Variants in ZNF681 observed in about 807,000 individuals in gnomAD.
The protein encoded by ZNF681 is zinc finger protein 681, also known as hypothetical protein FLJ31526.
In ZNF681, 37 loss-of-function variants were observed where a neutral mutation model predicts 56.0. The observed-to-expected ratio is 0.66, with a 90% CI of 0.51 to 0.87. The LOEUF (loss-of-function observed/expected upper bound fraction) is 0.87, where lower values mean the gene tolerates loss of function less well. ZNF681 is among the 40% of genes least tolerant of loss of function. The pLI is 0.00. For synonymous variants in ZNF681, 225 were observed against 248.6 expected (o/e 0.91, Z 0.89); for missense variants, 741 against 744.9 (o/e 0.99, Z 0.06).
intron 3 of ZNF681, among the ~76,000 whole-genome samples, chr19:23,747,041 T>A (rs934282106): frequency 5.3e-5 from 8 of 152,110 alleles, no homozygotes; most frequent in Non-Finnish European, 1.0e-4. Flanking sequence ...AAAGGAGCAC[T>A]TGAGCCCTGA....
At position 23,743,626 on chromosome 19, in the gene ZNF681, C is replaced by T. The variant is rs201670073; in HGVS notation, c.1924G>A (p.Gly642Ser). ...KFSKHKRNYA[G>S]EKS ...TCTTCACATTTCTAAGATTTCTCAC[C>T]AGCATAATTTCTTTTATGTTTAGAA... is the stretch of plus-strand genomic sequence containing the variant. Residue 642 changes from glycine to serine, a missense_variant, in exon 4 of 4, where the codon GGT (glycine) becomes AGT (serine). Transcript: ENST00000402377. 764 of 1,494,652 alleles carry T rather than the reference C, an allele frequency of 5.1e-4. 1 individual carries two copies. The highest frequency in any genetic ancestry group is 2.3e-3 in the Middle Eastern group (13 of 5,688). The allele number at this position is 1,494,652 out of a possible 1,614,324, so 92.6% of individuals were successfully genotyped here.
chr19:23,755,558 AACACACAC>A lies in ZNF681; in HGVS notation c.4-15_4-8del, dbSNP rs763001279. On this transcript the variant is annotated splice_polypyrimidine_tract_variant and splice_region_variant and intron_variant, in intron 1 of 3. Coordinates refer to ENST00000402377, the MANE Select transcript of ZNF681 (RefSeq NM_138286.3). Reference sequence around the variant, plus strand: ...CCCTAAATTTCAATGGTTCCTGAAAAACACACACACACACACACACACACACACACACA... The same window carrying A: ...CCCTAAATTTCAATGGTTCCTGAAAAACACACACACACACACACACACACA... 1.1e-4 allele frequency: 142 copies of A among 1,277,400 alleles called. 1 individual carries two copies. Among genetic ancestry groups the A allele is most frequent in the African/African-American group, 6.6e-4 (38 of 57,526 alleles). The allele number at this position is 1,277,400 out of a possible 1,614,324, so 79.1% of individuals were successfully genotyped here.
intron 3 of ZNF681, among the ~76,000 whole-genome samples, chr19:23,751,425 G>A (rs1229684659): frequency 9.7e-5 from 14 of 144,144 alleles, no homozygotes; most frequent in African/African-American, 3.3e-4. Flanking sequence ...GCAGTGAGCC[G>A]AGATTGCGCC....
At chr19:23,753,136 T>C (rs6511519) in intron 3 of ZNF681, among the ~76,000 whole-genome samples, 149,016 of 152,290 alleles carry the variant, frequency 0.98, 73,001 homozygotes, top group Middle Eastern at 1. Flanking sequence ...TGGTGGCTCA[T>C]GCCTGTAATC....
chr19:23,757,118 C>G (rs377416985), intron 1 of ZNF681, among the ~76,000 whole-genome samples: 57 of 152,162 alleles, frequency 3.7e-4, no homozygotes, highest in African/African-American at 1.3e-3. Context: ...AAACTCCTCA[C>G]CTCGTGATCC....
At chr19:23,757,193 G>T (rs566785073) in intron 1 of ZNF681, among the ~76,000 whole-genome samples, 2 of 152,100 alleles carry the variant, frequency 1.3e-5, no homozygotes, top group South Asian at 4.2e-4. Flanking sequence ...GCTTATAAAA[G>T]TTATACAAGC....
intron 3 of ZNF681, among the ~76,000 whole-genome samples, chr19:23,750,265 C>A (rs1445363621): frequency 2.2e-4 from 28 of 124,676 alleles, no homozygotes; most frequent in Non-Finnish European, 3.5e-4. Flanking sequence ...GCCTGGGCGA[C>A]AGAGTGAGAC....
intron 3 of ZNF681, among the ~76,000 whole-genome samples, chr19:23,754,391 G>A (rs1012423825): frequency 1.3e-5 from 2 of 152,122 alleles, no homozygotes; most frequent in African/African-American, 4.8e-5. Context: ...CGGCAGGGTG[G>A]CGTGGCTCAT....
intron 1 of ZNF681, among the ~76,000 whole-genome samples, chr19:23,756,149 C>T (rs1311176724): frequency 2.0e-5 from 3 of 151,914 alleles, no homozygotes; most frequent in Non-Finnish European, 4.4e-5. Flanking sequence ...CCTGGTGAAA[C>T]CCCGTCTCTA....
In ZNF681 at chr19:23,740,647, C is replaced by T. The variant is rs2096265797; in HGVS notation, c.*2965G>A. The T allele has an allele frequency of 6.6e-6, 1 of 151,930 alleles. No homozygotes were observed. The highest frequency in any genetic ancestry group is 2.4e-5 in the African/African-American group (1 of 41,356). The allele number at this position is 151,930 out of a possible 1,614,324, so 9.4% of individuals were successfully genotyped here. ...ACATCCTCATGATTTAGGAAGCCCCCCTAGTACTCACCTAAATAAATGGGC... is the reference window on the plus strand; with the variant it reads ...ACATCCTCATGATTTAGGAAGCCCCTCTAGTACTCACCTAAATAAATGGGC... On this transcript the variant is annotated 3_prime_UTR_variant, in exon 4 of 4. Coordinates refer to ENST00000402377, the MANE Select transcript of ZNF681 (RefSeq NM_138286.3).
intron 1 of ZNF681, among the ~76,000 whole-genome samples, chr19:23,756,831 A>T (rs1969127448): frequency 6.6e-6 from 1 of 152,070 alleles, no homozygotes; most frequent in Admixed American, 6.6e-5. Flanking sequence ...TATATTATAA[A>T]AGACTATACT....
chr19:23,756,698 G>C (rs1322084460), intron 1 of ZNF681, among the ~76,000 whole-genome samples: 1 of 151,966 alleles, frequency 6.6e-6, no homozygotes, highest in Admixed American at 6.6e-5. Flanking sequence ...ATGCATGCCA[G>C]GTTTAAAACC....
chr19:23,758,311 G>A (rs1032454714), intron 1 of ZNF681, among the ~76,000 whole-genome samples: 1 of 152,162 alleles, frequency 6.6e-6, no homozygotes, highest in African/African-American at 2.4e-5. Flanking sequence ...AGGCTGTCTC[G>A]GCCTCCCAAA....
intron 3 of ZNF681, among the ~76,000 whole-genome samples, chr19:23,746,030 G>C (rs1055397342): frequency 6.6e-6 from 1 of 151,974 alleles, no homozygotes; most frequent in Admixed American, 6.6e-5. Context: ...AAGAAAAAAG[G>C]TTGGCAGGGT....
intron 3 of ZNF681, among the ~76,000 whole-genome samples, chr19:23,747,639 CAAAAAA>C (rs57974422): frequency 2.1e-5 from 2 of 96,820 alleles, no homozygotes; most frequent in Non-Finnish European, 4.1e-5. Flanking sequence ...GACTCCGTCT[CAAAAAA>C]AAAAAAAAAA....
chr19:23,750,486 A>G (rs1413572579), intron 3 of ZNF681, among the ~76,000 whole-genome samples: 2 of 152,124 alleles, frequency 1.3e-5, no homozygotes, highest in African/African-American at 2.4e-5. Flanking sequence ...GTCTAAAATT[A>G]TAATACATAT....
rs1968867308 is a variant in ZNF681, at chr19:23,740,892, T to C, written c.*2720A>G. 1 of 152,042 alleles carries C rather than the reference T, an allele frequency of 6.6e-6. No individual in the cohort carries two copies. The allele number at this position is 152,042 out of a possible 1,614,324, so 9.4% of individuals were successfully genotyped here. A position where few individuals can be genotyped will look rare whatever the true frequency, so the allele number is the denominator to read the frequency against. On this transcript the variant is annotated 3_prime_UTR_variant, in exon 4 of 4. Transcript: ENST00000402377. ...TGACCAGCTCACATAGCATCTTATA[T>C]AAAATAAGAGAAAAAAATGTAAGAC...
chr19:23,757,612 T>G (rs976969378), intron 1 of ZNF681, among the ~76,000 whole-genome samples: 1 of 152,110 alleles, frequency 6.6e-6, no homozygotes, highest in African/African-American at 2.4e-5. Flanking sequence ...TTTTTTTAAT[T>G]TATCTGCTTT....
chr19:23,749,468 G>A (rs1679767794), intron 3 of ZNF681, among the ~76,000 whole-genome samples: 1 of 152,074 alleles, frequency 6.6e-6, no homozygotes, highest in African/African-American at 2.4e-5. Flanking sequence ...CTGAGACAGG[G>A]TCTCATTCTA....
Sources: allele counts gnomAD v4.1 joint callset (sites outside exome capture counted in the v4.1 genomes callset), GRCh38; gene constraint gnomAD v4.1.1; transcripts MANE v1.5; gene names NCBI Gene and HGNC (gene_info 2026-07-23, HGNC 2026-07-21).